Variants in RGS8 observed in about 807,000 individuals in gnomAD.
RGS8 encodes regulator of G-protein signaling 8.
Under a neutral mutation model 21.7 loss-of-function variants are expected in RGS8, and 8 were observed. That is an observed-to-expected ratio of 0.37 (90% CI 0.22 to 0.66). The LOEUF is 0.66. Among genes scored for constraint, RGS8 ranks in the 30% least tolerant of loss-of-function variants. RGS8 has a pLI of 0.59. For missense variants in RGS8, 157 were observed against 217.9 expected, an observed-to-expected ratio of 0.72 and a Z score of 1.76; for synonymous variants, 80 against 83.6, an observed-to-expected ratio of 0.96 and a Z score of 0.24.
intron 2 of RGS8, among the ~76,000 whole-genome samples, chr1:182,670,711 T>A (rs950725077): frequency 3.5e-4 from 54 of 152,344 alleles, no homozygotes; most frequent in African/African-American, 1.3e-3. Flanking sequence ...TTTTTAAAAA[T>A]AGCTTCTTTA....
the RGS8 span, among the ~76,000 whole-genome samples, chr1:182,740,087 C>A: frequency 1.3e-5 from 2 of 152,168 alleles, no homozygotes; most frequent in African/African-American, 2.4e-5. Flanking sequence ...ACCCAATAAT[C>A]ATCCCCCTTA....
the RGS8 span, among the ~76,000 whole-genome samples, chr1:182,742,126 A>G: frequency 2.8e-5 from 4 of 143,154 alleles, no homozygotes; most frequent in African/African-American, 1.1e-4. Flanking sequence ...GGTGCTCCCC[A>G]CATCTCAGAC....
chr1:182,706,367 A>T, the RGS8 span, among the ~76,000 whole-genome samples: 1 of 152,156 alleles, frequency 6.6e-6, no homozygotes, highest in Non-Finnish European at 1.5e-5. Context: ...CACCTGCTAG[A>T]ACTGAGCTAA....
chr1:182,643,872 G>A (rs1055311065), downstream of RGS8: 1 of 152,338 alleles, frequency 6.6e-6, no homozygotes, highest in African/African-American at 2.4e-5. Flanking sequence ...CTCAGGGATG[G>A]AGAGCAATTC....
the RGS8 span, among the ~76,000 whole-genome samples, chr1:182,709,773 T>G: frequency 6.6e-6 from 1 of 152,250 alleles, no homozygotes; most frequent in African/African-American, 2.4e-5. Flanking sequence ...CTTACTTGTT[T>G]TATGAATGCG....
intron 5 of RGS8, among the ~76,000 whole-genome samples, chr1:182,652,102 A>G (rs74128208): frequency 0.012 from 1,874 of 152,356 alleles, 31 homozygotes; most frequent in African/African-American, 0.037. Context: ...ATAACTGGAA[A>G]GTGACTTGGA....
At chr1:182,751,700 A>G in the RGS8 span, among the ~76,000 whole-genome samples, 1 of 152,232 alleles carries the variant, frequency 6.6e-6, no homozygotes. Flanking sequence ...TATTCCAAGC[A>G]TTAGGTACAT....
chr1:182,695,931 T>G, the RGS8 span, among the ~76,000 whole-genome samples: 7 of 152,344 alleles, frequency 4.6e-5, no homozygotes, highest in East Asian at 1.2e-3. Flanking sequence ...CACCTGCCAT[T>G]TACAAGCCTC....
At chr1:182,672,089 C>T (rs1300101432), upstream of RGS8, 1 of 287,344 alleles carries the variant, frequency 3.5e-6, no homozygotes, top group Non-Finnish European at 6.4e-6. Flanking sequence ...CCCACAGCTG[C>T]CTCCCTCTGC....
chr1:182,653,870 A>C (rs994363540), intron 5 of RGS8, among the ~76,000 whole-genome samples: 1 of 152,222 alleles, frequency 6.6e-6, no homozygotes, highest in African/African-American at 2.4e-5. Flanking sequence ...GGAGCTATGT[A>C]TGAATGCAGG....
the RGS8 span, among the ~76,000 whole-genome samples, chr1:182,726,184 CA>C: frequency 0.13 from 14,928 of 115,094 alleles, 771 homozygotes; most frequent in Middle Eastern, 0.19. Context: ...ATGCTAATCT[CA>C]AAAAAAAAAA....
the RGS8 span, among the ~76,000 whole-genome samples, chr1:182,750,720 G>T: frequency 1.3e-5 from 2 of 152,000 alleles, no homozygotes; most frequent in Admixed American, 6.6e-5. Context: ...TATGAAGTAG[G>T]CAAAGAAGAA....
intron 5 of RGS8, among the ~76,000 whole-genome samples, chr1:182,649,829 C>T (rs1446930550): frequency 6.6e-6 from 1 of 151,912 alleles, no homozygotes; most frequent in African/African-American, 2.4e-5. Context: ...AAGTGTTCTA[C>T]TGGTTATAAA....
chr1:182,685,437 C>T (rs1017572234), upstream of RGS8, among the ~76,000 whole-genome samples: 5 of 152,168 alleles, frequency 3.3e-5, no homozygotes, highest in Admixed American at 6.5e-5. Flanking sequence ...CTGCGCAGGG[C>T]GGAGCTTACA....
the RGS8 span, among the ~76,000 whole-genome samples, chr1:182,706,126 G>T: frequency 6.6e-6 from 1 of 151,982 alleles, no homozygotes; most frequent in Non-Finnish European, 1.5e-5. Flanking sequence ...GGGACTATAG[G>T]TATGCACTAC....
At chr1:182,720,160 CTT>C in the RGS8 span, among the ~76,000 whole-genome samples, 1 of 152,078 alleles carries the variant, frequency 6.6e-6, no homozygotes, top group South Asian at 2.1e-4. Context: ...AAAGTCTTCT[CTT>C]GTTTGTTTGT....
At chr1:182,742,832 A>G in the RGS8 span, among the ~76,000 whole-genome samples, 1 of 152,218 alleles carries the variant, frequency 6.6e-6, no homozygotes, top group African/African-American at 2.4e-5. Context: ...AAGCTGAAAG[A>G]TGGTAGGATT....
At chr1:182,708,949 C>G in the RGS8 span, among the ~76,000 whole-genome samples, 1 of 152,166 alleles carries the variant, frequency 6.6e-6, no homozygotes, top group Admixed American at 6.5e-5. Flanking sequence ...ATGACCTGTG[C>G]GGCCTGCCAA....
At chr1:182,732,282 C>CACACACACAT in the RGS8 span, among the ~76,000 whole-genome samples, 1 of 150,514 alleles carries the variant, frequency 6.6e-6, no homozygotes, top group African/African-American at 2.5e-5. Context: ...TACACACACA[C>CACACACACAT]ACACACACAC....
Sources: allele counts gnomAD v4.1 joint callset (sites outside exome capture counted in the v4.1 genomes callset), GRCh38; gene constraint gnomAD v4.1.1; transcripts MANE v1.5; gene names NCBI Gene and HGNC (gene_info 2026-07-23, HGNC 2026-07-21).